NCS1: variants seen among roughly 807,000 people sequenced by gnomAD.
The protein encoded by NCS1 is neuronal calcium sensor 1, also known as frequenin homolog.
Under a neutral mutation model 28.4 loss-of-function variants are expected in NCS1, and 6 were observed. The ratio of observed to expected loss-of-function variants is 0.21; its 90% CI spans 0.12 to 0.42. The LOEUF (loss-of-function observed/expected upper bound fraction) is 0.42. NCS1 is among the 10% of genes least tolerant of loss of function. NCS1 has a pLI of 1.00. For missense variants in NCS1, 131 were observed against 241.4 expected (o/e 0.54, Z 3.03); for synonymous variants, 86 against 99.3 (o/e 0.87, Z 0.79).
intron 1 of NCS1, among the ~76,000 whole-genome samples, chr9:130,182,139 A>G (rs1554905197): frequency 6.6e-6 from 1 of 152,104 alleles, no homozygotes; most frequent in African/African-American, 2.4e-5. Flanking sequence ...CCTCTCCCCA[A>G]AGCCCTGGGA....
chr9:130,179,515 A>C (rs188751166), intron 1 of NCS1, among the ~76,000 whole-genome samples: 1 of 152,316 alleles, frequency 6.6e-6, no homozygotes, highest in East Asian at 1.9e-4. Context: ...CTTTTCTTGA[A>C]GATAAGAACC....
In NCS1 at chr9:130,192,777, G is replaced by A. The variant is rs1832833820; in HGVS notation, c.65-8181G>A. Reference sequence around the variant, plus strand: ...GTGATCTGAGGCCTTGTGTGCTTGGGGCACCTGGAGGATTGGAGCAGCAGG... The same window carrying A: ...GTGATCTGAGGCCTTGTGTGCTTGGAGCACCTGGAGGATTGGAGCAGCAGG... On this transcript the variant is annotated intron_variant, in intron 1 of 7. Coordinates refer to ENST00000372398, the MANE Select transcript of NCS1 (RefSeq NM_014286.4). This position sits in a 1 kb window ranked among gnomAD's most constrained non-coding sequence, Gnocchi z 4.8. Among the ~76,000 whole-genome samples, 1 of 152,132 alleles carries A rather than the reference G, an allele frequency of 6.6e-6. No homozygotes were observed. The highest frequency in any genetic ancestry group is 6.5e-5 in the Admixed American group (1 of 15,278).
chr9:130,185,365 A>T (rs576761839), intron 1 of NCS1, among the ~76,000 whole-genome samples: 1 of 152,232 alleles, frequency 6.6e-6, no homozygotes, highest in African/African-American at 2.4e-5. Flanking sequence ...GAATGAACGA[A>T]GTTCCTTCTT....
chr9:130,172,648 G>A lies in NCS1; in HGVS notation c.-16G>A, dbSNP rs1554904177. 2.8e-6 allele frequency: 4 copies of A among 1,447,144 alleles called. No individual in the cohort carries two copies. Among genetic ancestry groups the A allele is most frequent in the Admixed American group, 4.4e-5 (2 of 45,852 alleles). 89.6% of individuals were successfully genotyped at this position (1,447,144 alleles called of 1,614,324 possible). A position where few individuals can be genotyped will look rare whatever the true frequency, so the allele number is the denominator to read the frequency against. Reference sequence around the variant, plus strand: ...CCGGGTCCGGCCCGGGGGGGCGGGGGCCGCGGCCGCCGAGGATGGGGAAAT... The same window carrying A: ...CCGGGTCCGGCCCGGGGGGGCGGGGACCGCGGCCGCCGAGGATGGGGAAAT... On this transcript the variant is annotated 5_prime_UTR_variant, in exon 1 of 8. Transcript: ENST00000372398.
chr9:130,223,875 C>T (rs1190074578), intron 6 of NCS1, among the ~76,000 whole-genome samples: 1 of 152,008 alleles, frequency 6.6e-6, no homozygotes, highest in Non-Finnish European at 1.5e-5. Flanking sequence ...AGAATCTTCG[C>T]CCTGTCACCC....
At chr9:130,195,768 G>A (rs571474476) in intron 1 of NCS1, among the ~76,000 whole-genome samples, 1 of 152,344 alleles carries the variant, frequency 6.6e-6, no homozygotes, top group South Asian at 2.1e-4. Flanking sequence ...TGGGTGGAAC[G>A]GGTGAGGTGA....
chr9:130,173,492 A>G (rs1554904319), intron 1 of NCS1, among the ~76,000 whole-genome samples: 1 of 152,134 alleles, frequency 6.6e-6, no homozygotes, highest in Non-Finnish European at 1.5e-5. Flanking sequence ...GTCCCCTTGC[A>G]GTCCTAGTTT....
intron 2 of NCS1, 78 bp downstream of exon 2, chr9:130,201,060 A>G: frequency 6.3e-7 from 1 of 1,583,678 alleles, no homozygotes; most frequent in Non-Finnish European, 8.7e-7. Context: ...TGGGGACAGC[A>G]GTCCAGCTGC....
At chr9:130,183,501 C>T (rs1554905340) in intron 1 of NCS1, among the ~76,000 whole-genome samples, 1 of 152,208 alleles carries the variant, frequency 6.6e-6, no homozygotes, top group East Asian at 1.9e-4. Context: ...AAATAGCACT[C>T]TGCCTTTTTA....
chr9:130,195,907 C>T (rs1832872596), intron 1 of NCS1, among the ~76,000 whole-genome samples: 1 of 152,220 alleles, frequency 6.6e-6, no homozygotes. Flanking sequence ...CCTACCCTGC[C>T]CTGAACCCTG....
intron 1 of NCS1, among the ~76,000 whole-genome samples, chr9:130,185,513 C>T (rs1196232421): frequency 1.3e-5 from 2 of 152,150 alleles, no homozygotes; most frequent in African/African-American, 4.8e-5. Flanking sequence ...GGCCAGGCCT[C>T]GTGAGGACCC....
chr9:130,183,845 T>G (rs1437243520), intron 1 of NCS1, among the ~76,000 whole-genome samples: 1 of 150,782 alleles, frequency 6.6e-6, no homozygotes, highest in Non-Finnish European at 1.5e-5. Context: ...AGTCTCGCTC[T>G]GTCGCCCAGG....
At position 130,175,484 on chromosome 9, in the gene NCS1, C is replaced by G. The variant is rs368545527; in HGVS notation, c.64+2757C>G. Among the ~76,000 whole-genome samples, 181 of 152,294 alleles carry G rather than the reference C, an allele frequency of 1.2e-3. 2 individuals are homozygous for G. The highest frequency in any genetic ancestry group is 4.1e-3 in the African/African-American group (172 of 41,566). On this transcript the variant is annotated intron_variant, in intron 1 of 7. Transcript: ENST00000372398. This position sits in a 1 kb window ranked among gnomAD's most constrained non-coding sequence, Gnocchi z 4.9. ...GGCCCAGGAATTTGCATCCTTGACA[C>G]GTGTTTGTGCTGCAGATGGTGGTCC...
chr9:130,225,052 T>G (rs1231155626), intron 6 of NCS1, among the ~76,000 whole-genome samples: 1 of 151,862 alleles, frequency 6.6e-6, no homozygotes, highest in Non-Finnish European at 1.5e-5. Context: ...ATTAGCCGGG[T>G]GTGGTGGTGT....
Position 130,226,039 on chromosome 9 carries a change from G to C in NCS1, c.475-350G>C, listed in dbSNP as rs1833409870. Reference sequence around the variant, plus strand: ...CTGCACGAGGCTCTCAGCCTTGTCAGTTACTCACATTGATGGGGTTTAATA... The same window carrying C: ...CTGCACGAGGCTCTCAGCCTTGTCACTTACTCACATTGATGGGGTTTAATA... On this transcript the variant is annotated intron_variant, in intron 6 of 7. Transcript: ENST00000372398. This position sits in a 1 kb window ranked among gnomAD's most constrained non-coding sequence, Gnocchi z 4.8. Among the ~76,000 whole-genome samples the C allele has an allele frequency of 6.6e-6, 1 of 152,232 alleles. No individual in the cohort carries two copies. The highest frequency in any genetic ancestry group is 1.5e-5 in the Non-Finnish European group (1 of 68,044).
chr9:130,216,808 C>A (rs546557545), intron 2 of NCS1, among the ~76,000 whole-genome samples: 2 of 148,952 alleles, frequency 1.3e-5, no homozygotes, highest in Non-Finnish European at 3.0e-5. Flanking sequence ...CCAGTCGCGT[C>A]AGGCCCTGCA....
rs552900315 is a variant in NCS1 at position 130,177,371 on chromosome 9, C to A, written c.64+4644C>A. Among the ~76,000 whole-genome samples, 31 of 152,298 alleles carry A rather than the reference C, an allele frequency of 2.0e-4. No individual in the cohort carries two copies. Among genetic ancestry groups the A allele is most frequent in the African/African-American group, 7.5e-4 (31 of 41,572 alleles). On this transcript the variant is annotated intron_variant, in intron 1 of 7. Transcript: ENST00000372398. This position sits in a 1 kb window ranked among gnomAD's most constrained non-coding sequence, Gnocchi z 4.4. Reference sequence around the variant, plus strand: ...GCCTTCAGGAGGCAGTCACTGGAGACCATCTTGGGACAAAGCTGGGGGTTG... The same window carrying A: ...GCCTTCAGGAGGCAGTCACTGGAGAACATCTTGGGACAAAGCTGGGGGTTG...
intron 6 of NCS1, among the ~76,000 whole-genome samples, chr9:130,223,907 C>T (rs1588125626): frequency 1.3e-5 from 2 of 151,556 alleles, no homozygotes; most frequent in African/African-American, 4.8e-5. Context: ...CAGTGGCGGG[C>T]GCGATCTCGG....
chr9:130,181,395 G>A lies in NCS1; in HGVS notation c.64+8668G>A, dbSNP rs1025024019. ...GGATCTGCGAGCTGCAGCACGGGAC[G>A]GTCAGGGGCTGTCACTGCGGTGAGA... On this transcript the variant is annotated intron_variant, in intron 1 of 7. Transcript: ENST00000372398. The surrounding 1 kb of genome is among the most constrained non-coding windows in gnomAD (Gnocchi z 5.0). 4.6e-5 allele frequency among the ~76,000 whole-genome samples: 7 copies of A among 152,154 alleles called. No homozygotes were observed. The highest frequency in any genetic ancestry group is 1.9e-4 in the East Asian group (1 of 5,196).
Sources: allele counts gnomAD v4.1 joint callset (sites outside exome capture counted in the v4.1 genomes callset), GRCh38; gene constraint gnomAD v4.1.1; non-coding constraint Gnocchi (gnomAD v3.1); transcripts MANE v1.5; gene names NCBI Gene and HGNC (gene_info 2026-07-23, HGNC 2026-07-21).